RANBP2: variants seen among roughly 807,000 people sequenced by gnomAD.
RANBP2 encodes the protein RAN binding protein 2.
RANBP2 carries 57 observed loss-of-function variants against 303.6 expected under a neutral mutation model. The ratio of observed to expected loss-of-function variants is 0.19; its 90% confidence interval spans 0.15 to 0.23. The LOEUF (loss-of-function observed/expected upper bound fraction) is 0.23. Ranked by LOEUF, RANBP2 falls within the 10% of genes least tolerant of loss-of-function variation. The pLI is 1.00. For synonymous variants in RANBP2, 1,167 were observed against 1,301.5 expected (o/e 0.90, Z 2.23); for missense variants, 3,138 against 3,780.8 (o/e 0.83, Z 4.46).
the RANBP2 span, among the ~76,000 whole-genome samples, chr2:109,688,540 G>A: frequency 1.2e-4 from 18 of 152,028 alleles, no homozygotes; most frequent in Non-Finnish European, 2.4e-4. Flanking sequence ...ACTTTGGGAG[G>A]CCGAGGTGGG....
At chr2:109,669,334 T>C in the RANBP2 span, among the ~76,000 whole-genome samples, 2 of 152,136 alleles carry the variant, frequency 1.3e-5, no homozygotes, top group African/African-American at 4.8e-5. Flanking sequence ...AATGAAATTC[T>C]GTCATCCTAA....
At chr2:109,124,885 G>C in the RANBP2 span, among the ~76,000 whole-genome samples, 1 of 152,196 alleles carries the variant, frequency 6.6e-6, no homozygotes, top group Non-Finnish European at 1.5e-5. Flanking sequence ...TATAGCTGCT[G>C]TTCAGTGCAG....
the RANBP2 span, among the ~76,000 whole-genome samples, chr2:109,643,665 T>C: frequency 6.6e-6 from 1 of 151,860 alleles, no homozygotes; most frequent in African/African-American, 2.4e-5. Flanking sequence ...CTTGGGAGGC[T>C]GAGGCAGGAG....
At chr2:109,632,154 G>A in the RANBP2 span, among the ~76,000 whole-genome samples, 1 of 152,198 alleles carries the variant, frequency 6.6e-6, no homozygotes, top group African/African-American at 2.4e-5. Flanking sequence ...AGGACGTGAT[G>A]TGCCCTGATT....
chr2:109,153,839 G>T, the RANBP2 span, among the ~76,000 whole-genome samples: 1 of 152,242 alleles, frequency 6.6e-6, no homozygotes, highest in Admixed American at 6.5e-5. Flanking sequence ...CCTGCTTCCT[G>T]AGGGCTGACT....
the RANBP2 span, among the ~76,000 whole-genome samples, chr2:109,068,227 G>A: frequency 2.6e-5 from 4 of 152,190 alleles, no homozygotes; most frequent in Admixed American, 6.5e-5. Flanking sequence ...CTAGAATGGC[G>A]GTTCTCAACC....
the RANBP2 span, among the ~76,000 whole-genome samples, chr2:109,345,386 C>T: frequency 6.6e-6 from 1 of 152,108 alleles, no homozygotes; most frequent in South Asian, 2.1e-4. Context: ...GGGAGTGCAG[C>T]GTGTAGGCAG....
the RANBP2 span, chr2:109,502,802 A>G: frequency 5.3e-5 from 8 of 152,228 alleles, no homozygotes. Context: ...GAGAACTGCA[A>G]TTAGCATTCT....
chr2:109,283,207 C>T, the RANBP2 span, among the ~76,000 whole-genome samples: 9 of 152,208 alleles, frequency 5.9e-5, no homozygotes, highest in African/African-American at 2.2e-4. Context: ...TGTTCGCTCC[C>T]TCCAGGCCCC....
At chr2:108,905,996 C>T in the RANBP2 span, among the ~76,000 whole-genome samples, 1 of 145,964 alleles carries the variant, frequency 6.9e-6, no homozygotes, top group Non-Finnish European at 1.5e-5. Context: ...TCTGGGGACA[C>T]GGGAGGTCTG....
the RANBP2 span, chr2:108,923,588 C>T: frequency 1.2e-5 from 9 of 732,376 alleles, no homozygotes; most frequent in East Asian, 2.6e-5. Context: ...CACTCAGTCA[C>T]CTGCTCTGTC....
chr2:108,786,741 CG>C (rs1374120012), downstream of RANBP2: 3 of 1,305,806 alleles, frequency 2.3e-6, no homozygotes, highest in Non-Finnish European at 3.2e-6. Flanking sequence ...GGGTCTGGCA[CG>C]TCGTGACGCA....
At chr2:109,497,723 C>T in the RANBP2 span, among the ~76,000 whole-genome samples, 2 of 152,208 alleles carry the variant, frequency 1.3e-5, no homozygotes, top group African/African-American at 2.4e-5. Flanking sequence ...ACACTTGTCT[C>T]GTATAAATTC....
At chr2:109,278,402 A>G in the RANBP2 span, among the ~76,000 whole-genome samples, 10 of 152,162 alleles carry the variant, frequency 6.6e-5, no homozygotes, top group African/African-American at 1.4e-4. Context: ...TTCTGAAGGA[A>G]TGGGATAATT....
chr2:109,006,678 C>G, the RANBP2 span, among the ~76,000 whole-genome samples: 2 of 152,292 alleles, frequency 1.3e-5, no homozygotes, highest in East Asian at 3.9e-4. Flanking sequence ...GTCCACAGAG[C>G]TTTTGGTGGG....
the RANBP2 span, among the ~76,000 whole-genome samples, chr2:109,145,044 G>A: frequency 1.3e-5 from 2 of 152,214 alleles, no homozygotes; most frequent in Admixed American, 1.3e-4. Context: ...AGGGCCCTTT[G>A]GAGAAGCTCG....
At chr2:109,472,064 T>G in the RANBP2 span, among the ~76,000 whole-genome samples, 1 of 152,230 alleles carries the variant, frequency 6.6e-6, no homozygotes, top group Non-Finnish European at 1.5e-5. Context: ...CATCTCAGCT[T>G]CTTTCAAATT....
the RANBP2 span, among the ~76,000 whole-genome samples, chr2:109,507,490 G>T: frequency 0.11 from 16,559 of 152,212 alleles, 1,303 homozygotes; most frequent in African/African-American, 0.22. Context: ...CAGCATCTGA[G>T]GCTGGCTGAG....
the RANBP2 span, among the ~76,000 whole-genome samples, chr2:109,374,771 G>A: frequency 1.3e-5 from 2 of 152,220 alleles, no homozygotes; most frequent in Admixed American, 1.3e-4. Flanking sequence ...ACCTGGCAGG[G>A]TTCTACCCAG....
Sources: allele counts gnomAD v4.1 joint callset (sites outside exome capture counted in the v4.1 genomes callset), GRCh38; gene constraint gnomAD v4.1.1; transcripts MANE v1.5; gene names NCBI Gene and HGNC (gene_info 2026-07-23, HGNC 2026-07-21).